The following TRAF3 variants were observed in gnomAD, a reference collection of about 807,000 sequenced individuals.
TRAF3 encodes TNF receptor associated factor 3, also known as TNF receptor-associated factor 3.
In TRAF3, 13 loss-of-function variants were observed where a neutral mutation model predicts 62.3. The ratio of observed to expected loss-of-function variants is 0.21; its 90% CI spans 0.14 to 0.33. TRAF3 has a LOEUF of 0.33. Among genes scored for constraint, TRAF3 ranks in the 10% least tolerant of loss-of-function variants. The pLI is 1.00. For missense variants in TRAF3, 440 were observed against 741.8 expected (o/e 0.59, Z 4.73); for synonymous variants, 269 against 283.4 (o/e 0.95, Z 0.51).
rs911009098 is a variant in TRAF3, at chr14:102,843,037, G to A, written c.-18+12565G>A. Among the ~76,000 whole-genome samples, 11 of 151,678 alleles carry A rather than the reference G, an allele frequency of 7.3e-5. No homozygotes were observed. The South Asian group carries it at 1.0e-3, about 14-fold the overall frequency. On this transcript the variant is annotated intron_variant, in intron 2 of 11. Coordinates refer to ENST00000392745, the MANE Select transcript of TRAF3 (RefSeq NM_145725.3). ...AGCCTGGCCAACATGGTGAAACCTC[G>A]TCTCTACTAAAAAAAATTAGCTGGG...
chr14:102,864,592 C>T (rs1298893318), intron 2 of TRAF3, among the ~76,000 whole-genome samples: 2 of 152,046 alleles, frequency 1.3e-5, no homozygotes, highest in African/African-American at 4.8e-5. Flanking sequence ...TTCGAGGTTG[C>T]CAAATTTACG....
At chr14:102,821,065 G>A (rs1899958188) in intron 1 of TRAF3, among the ~76,000 whole-genome samples, 1 of 152,180 alleles carries the variant, frequency 6.6e-6, no homozygotes, top group Non-Finnish European at 1.5e-5. Context: ...TTAAAAGGAT[G>A]TAGGGTGAAA....
At chr14:102,798,053 T>C (rs1273084426) in intron 1 of TRAF3, among the ~76,000 whole-genome samples, 2 of 152,112 alleles carry the variant, frequency 1.3e-5, no homozygotes, top group Non-Finnish European at 2.9e-5. Context: ...CTCGTATTTC[T>C]TAGTCGGGAA....
intron 2 of TRAF3, among the ~76,000 whole-genome samples, chr14:102,869,866 A>G (rs183204892): frequency 1.3e-5 from 2 of 151,804 alleles, no homozygotes; most frequent in African/African-American, 4.8e-5. Flanking sequence ...CCTAGAGTGC[A>G]GTGGTGCCAT....
intron 2 of TRAF3, among the ~76,000 whole-genome samples, chr14:102,831,708 C>CT (rs1900698438): frequency 6.6e-6 from 1 of 152,124 alleles, no homozygotes; most frequent in South Asian, 2.1e-4. Context: ...TGGCTTAGAA[C>CT]TTTAATTCAA....
intron 2 of TRAF3, among the ~76,000 whole-genome samples, chr14:102,856,730 C>T (rs539053459): frequency 6.6e-6 from 1 of 152,246 alleles, no homozygotes; most frequent in Non-Finnish European, 1.5e-5. Context: ...TTTCCCCCCT[C>T]CCTTTTACAG....
intron 2 of TRAF3, among the ~76,000 whole-genome samples, chr14:102,846,038 G>A (rs1034365306): frequency 8.2e-5 from 12 of 146,236 alleles, no homozygotes; most frequent in African/African-American, 3.0e-4. Context: ...CAGTTAGCAG[G>A]AATTAAAAAG....
chr14:102,832,351 G>A (rs544466238), intron 2 of TRAF3, among the ~76,000 whole-genome samples: 2 of 152,244 alleles, frequency 1.3e-5, no homozygotes, highest in Admixed American at 1.3e-4. Flanking sequence ...CTAAGCCCTG[G>A]TCTGCAACCC....
At chr14:102,898,707 C>T (rs1489485561) in intron 10 of TRAF3, among the ~76,000 whole-genome samples, 4 of 152,234 alleles carry the variant, frequency 2.6e-5, no homozygotes, top group African/African-American at 9.6e-5. Flanking sequence ...ACCAACGCCC[C>T]ATCCCAAACC....
intron 8 of TRAF3, 124 bp downstream of exon 8, chr14:102,889,758 T>G: frequency 8.2e-7 from 1 of 1,223,224 alleles, no homozygotes; most frequent in Non-Finnish European, 1.2e-6. Flanking sequence ...TGAAACACCC[T>G]GTTGCATGGG....
intron 1 of TRAF3, among the ~76,000 whole-genome samples, chr14:102,780,287 G>A (rs1277196862): frequency 3.3e-5 from 5 of 152,058 alleles, no homozygotes; most frequent in East Asian, 3.9e-4. Context: ...TCCCAAAGAC[G>A]CGAATGGAAA....
At chr14:102,785,221 C>T (rs1431741684) in intron 1 of TRAF3, among the ~76,000 whole-genome samples, 1 of 152,210 alleles carries the variant, frequency 6.6e-6, no homozygotes, top group Non-Finnish European at 1.5e-5. Context: ...CATCCAACAT[C>T]TGTTTTGCCT....
chr14:102,863,190 T>C (rs1401208452), intron 2 of TRAF3, among the ~76,000 whole-genome samples: 3 of 152,222 alleles, frequency 2.0e-5, no homozygotes, highest in African/African-American at 7.2e-5. Context: ...CCTTGTGATA[T>C]TTTGTTGAAA....
chr14:102,896,481 A>T (rs1464859782), intron 9 of TRAF3, among the ~76,000 whole-genome samples: 1 of 152,116 alleles, frequency 6.6e-6, no homozygotes, highest in African/African-American at 2.4e-5. Flanking sequence ...GAAATGGAAT[A>T]AAAAAAATCA....
At chr14:102,797,742 T>TC (rs1023251744) in intron 1 of TRAF3, among the ~76,000 whole-genome samples, 5 of 151,156 alleles carry the variant, frequency 3.3e-5, no homozygotes, top group Non-Finnish European at 7.4e-5. Context: ...TTTCTTTCTT[T>TC]TTTTTTTTTT....
At chr14:102,860,588 T>A (rs1226485277) in intron 2 of TRAF3, among the ~76,000 whole-genome samples, 2 of 152,130 alleles carry the variant, frequency 1.3e-5, no homozygotes, top group African/African-American at 4.8e-5. Flanking sequence ...AAATGTAACC[T>A]CCCAGGTGCT....
At chr14:102,842,664 G>A (rs1886448459) in intron 2 of TRAF3, among the ~76,000 whole-genome samples, 1 of 152,036 alleles carries the variant, frequency 6.6e-6, no homozygotes, top group African/African-American at 2.4e-5. Context: ...GAAATCCAAG[G>A]TACCTCATAA....
At chr14:102,840,709 C>G (rs1306496191) in intron 2 of TRAF3, among the ~76,000 whole-genome samples, 1 of 152,058 alleles carries the variant, frequency 6.6e-6, no homozygotes, top group Admixed American at 6.6e-5. Context: ...TTTTGACACT[C>G]AATTAAGATT....
At position 102,815,455 on chromosome 14, in the gene TRAF3, C is replaced by T. The variant is rs189100571; in HGVS notation, c.-156-14879C>T. Among the ~76,000 whole-genome samples, 49 of 152,180 alleles carry T rather than the reference C, an allele frequency of 3.2e-4. No individual in the cohort carries two copies. The East Asian group carries it at 7.5e-3, about 23-fold the overall frequency. On this transcript the variant is annotated intron_variant, in intron 1 of 11. Transcript: ENST00000392745. ...GATCATAGTGTACTGCAGCCTTGAA[C>T]ACTTGGGCTCAAGTGATCTTTCTGC...
Sources: allele counts gnomAD v4.1 joint callset (sites outside exome capture counted in the v4.1 genomes callset), GRCh38; gene constraint gnomAD v4.1.1; transcripts MANE v1.5; gene names NCBI Gene and HGNC (gene_info 2026-07-23, HGNC 2026-07-21).